The following COL8A1 variants were observed in gnomAD, a reference collection of about 807,000 sequenced individuals.
COL8A1 encodes the protein collagen alpha-1(VIII) chain.
A neutral mutation model predicts 42.7 loss-of-function variants in COL8A1; 21 were observed. The observed-to-expected ratio is 0.49, with a 90% CI of 0.35 to 0.71. The LOEUF is 0.71. Ranked by LOEUF, COL8A1 falls within the 30% of genes least tolerant of loss-of-function variation. COL8A1 has a pLI of 0.01. For missense variants in COL8A1, 788 were observed against 962.4 expected, an observed-to-expected ratio of 0.82 and a Z score of 2.40; for synonymous variants, 367 against 369.1, an observed-to-expected ratio of 0.99 and a Z score of 0.06.
At chr3:99,681,276 C>G (rs1201425096) in intron 1 of COL8A1, among the ~76,000 whole-genome samples, 1 of 152,136 alleles carries the variant, frequency 6.6e-6, no homozygotes, top group Admixed American at 6.5e-5. Context: ...CTGCAAAGAA[C>G]TTAAACAAAT....
chr3:99,760,135 CAA>C (rs113024327), intron 2 of COL8A1, among the ~76,000 whole-genome samples: 2 of 144,170 alleles, frequency 1.4e-5, no homozygotes, highest in Admixed American at 6.9e-5. Context: ...ACTAGAGACT[CAA>C]AAAAAAAAAG....
chr3:99,641,403 A>C (rs1937507124), intron 1 of COL8A1, among the ~76,000 whole-genome samples: 1 of 152,204 alleles, frequency 6.6e-6, no homozygotes, highest in Admixed American at 6.5e-5. Flanking sequence ...CTTCTTTAGC[A>C]GAAAAGAACA....
At chr3:99,712,963 C>G (rs1459066258) in intron 1 of COL8A1, among the ~76,000 whole-genome samples, 1 of 152,002 alleles carries the variant, frequency 6.6e-6, no homozygotes, top group Non-Finnish European at 1.5e-5. Context: ...TTTATAGACT[C>G]AAAAGTAGAG....
At chr3:99,692,980 GA>G (rs1405798069) in intron 1 of COL8A1, among the ~76,000 whole-genome samples, 1 of 152,220 alleles carries the variant, frequency 6.6e-6, no homozygotes, top group African/African-American at 2.4e-5. Context: ...CCAACATGGT[GA>G]AACCTTGTCT....
At chr3:99,700,118 G>A (rs1191693755) in intron 1 of COL8A1, among the ~76,000 whole-genome samples, 1 of 152,114 alleles carries the variant, frequency 6.6e-6, no homozygotes, top group African/African-American at 2.4e-5. Flanking sequence ...TATAGAAACT[G>A]CTGCTCTGAG....
At chr3:99,694,155 A>G (rs1383249430) in intron 1 of COL8A1, among the ~76,000 whole-genome samples, 2 of 152,156 alleles carry the variant, frequency 1.3e-5, no homozygotes, top group East Asian at 1.9e-4. Flanking sequence ...CTCAAAACAC[A>G]TCACTATCAT....
At chr3:99,679,517 T>C (rs780253492) in intron 1 of COL8A1, 49 of 152,212 alleles carry the variant, frequency 3.2e-4, no homozygotes, top group Non-Finnish European at 5.9e-4. Flanking sequence ...CATTCACCAA[T>C]AGTGGCCTAT....
chr3:99,638,879 C>T (rs910929575), intron 1 of COL8A1, among the ~76,000 whole-genome samples: 12 of 152,156 alleles, frequency 7.9e-5, no homozygotes, highest in African/African-American at 2.4e-4. Flanking sequence ...ATAAATATTG[C>T]GAAACCTTTC....
At chr3:99,657,878 C>T (rs1216465661) in intron 1 of COL8A1, among the ~76,000 whole-genome samples, 1 of 152,050 alleles carries the variant, frequency 6.6e-6, no homozygotes, top group African/African-American at 2.4e-5. Flanking sequence ...ACCTGTAATC[C>T]CAGCACTTTG....
At chr3:99,747,100 C>G (rs140491113) in intron 2 of COL8A1, among the ~76,000 whole-genome samples, 1 of 152,244 alleles carries the variant, frequency 6.6e-6, no homozygotes, top group East Asian at 1.9e-4. Context: ...GATAACTAAT[C>G]TTTTGCATGC....
chr3:99,694,341 G>A (rs1056272545), intron 1 of COL8A1, among the ~76,000 whole-genome samples: 1 of 151,912 alleles, frequency 6.6e-6, no homozygotes, highest in African/African-American at 2.4e-5. Context: ...AAATCAGCTG[G>A]TCATGGTGCC....
rs114999029 is a variant in COL8A1 at position 99,790,525 on chromosome 3, T to C, written c.-3-155T>C. On this transcript the variant is annotated intron_variant, in intron 2 of 3. Transcript: ENST00000652472. ...CTATTTTTTGTTTGTTTGTTTTCTA[T>C]AGAAAGTAGCATTTTCCTTTTCATT... 4.3e-3 allele frequency among the ~76,000 whole-genome samples: 662 copies of C among 152,298 alleles called. 6 individuals are homozygous for C. Among genetic ancestry groups the C allele is most frequent in the African/African-American group, 0.016 (646 of 41,544 alleles).
At chr3:99,761,056 T>C (rs1032403524) in intron 2 of COL8A1, among the ~76,000 whole-genome samples, 2 of 152,148 alleles carry the variant, frequency 1.3e-5, no homozygotes, top group Non-Finnish European at 2.9e-5. Flanking sequence ...TCAAAGAACG[T>C]CTTCTAGTTT....
chr3:99,660,038 A>G (rs550671100), intron 1 of COL8A1, among the ~76,000 whole-genome samples: 9 of 152,258 alleles, frequency 5.9e-5, no homozygotes, highest in Non-Finnish European at 1.0e-4. Flanking sequence ...ACTGTGTGGA[A>G]GCACCAAGCC....
chr3:99,755,666 T>A (rs1457907276), intron 2 of COL8A1, among the ~76,000 whole-genome samples: 4 of 152,178 alleles, frequency 2.6e-5, no homozygotes, highest in Admixed American at 2.6e-4. Flanking sequence ...TGACATGTGA[T>A]CTGAGATCTG....
chr3:99,653,300 T>C (rs540324061), intron 1 of COL8A1, among the ~76,000 whole-genome samples: 30 of 152,324 alleles, frequency 2.0e-4, no homozygotes, highest in Admixed American at 3.3e-4. Flanking sequence ...AACTCTTTAC[T>C]ATGCCAGAGT....
At position 99,797,201 on chromosome 3, in the gene COL8A1, A is replaced by G. The variant is rs1264340759; in HGVS notation, c.*1065A>G. ...ATGGAGATATCAGTAATTTTTAGTA[A>G]CTGAATTTTGAGGACATTTCTCTGT... On this transcript the variant is annotated 3_prime_UTR_variant, in exon 4 of 4. Coordinates refer to ENST00000652472, the MANE Select transcript of COL8A1 (RefSeq NM_020351.4). 6.6e-6 allele frequency: 1 copy of G among 152,206 alleles called. No individual in the cohort carries two copies. The allele number at this position is 152,206 out of a possible 1,614,324, so 9.4% of individuals were successfully genotyped here. A position where few individuals can be genotyped will look rare whatever the true frequency, so the allele number is the denominator to read the frequency against.
chr3:99,688,779 C>T lies in COL8A1; in HGVS notation c.-129+50115C>T, dbSNP rs376914263. ...CCGTGTGATTGAGCTCCGTCATCAT[C>T]ATGTTCAATTCTTCCTGCCTAAGTC... On this transcript the variant is annotated intron_variant, in intron 1 of 3. Coordinates refer to ENST00000652472, the MANE Select transcript of COL8A1 (RefSeq NM_020351.4). 5.9e-5 allele frequency among the ~76,000 whole-genome samples: 9 copies of T among 152,262 alleles called. No homozygotes were observed. The South Asian group carries it at 1.9e-3, about 32-fold the overall frequency.
At chr3:99,683,958 A>C (rs982129106) in intron 1 of COL8A1, among the ~76,000 whole-genome samples, 2 of 152,126 alleles carry the variant, frequency 1.3e-5, no homozygotes, top group African/African-American at 4.8e-5. Context: ...CCAAAAACTG[A>C]GATGAAGTTT....
Sources: gnomAD v4.1 joint callset for allele counts (sites outside exome capture counted in the v4.1 genomes callset) on GRCh38, gnomAD v4.1.1 for gene constraint, MANE v1.5 for transcripts, NCBI Gene and HGNC (gene_info 2026-07-23, HGNC 2026-07-21) for gene names.